PI4K2B: variants seen among roughly 807,000 people sequenced by gnomAD.
The protein encoded by PI4K2B is phosphatidylinositol 4-kinase type 2 beta.
PI4K2B carries 46 observed loss-of-function variants against 56.6 expected under a neutral mutation model. The ratio of observed to expected loss-of-function variants is 0.81; its 90% CI spans 0.64 to 1.04. PI4K2B has a LOEUF of 1.04. Ranked by LOEUF, PI4K2B falls within the 50% of genes least tolerant of loss-of-function variation. PI4K2B has a pLI of 0.00. For missense variants in PI4K2B, 556 were observed against 607.7 expected, an observed-to-expected ratio of 0.91 and a Z score of 0.89; for synonymous variants, 211 against 223.8, an observed-to-expected ratio of 0.94 and a Z score of 0.51.
At chr4:25,250,241 A>G (rs1715998121) in intron 1 of PI4K2B, among the ~76,000 whole-genome samples, 1 of 151,996 alleles carries the variant, frequency 6.6e-6, no homozygotes, top group South Asian at 2.1e-4. Flanking sequence ...GGGGAGAGGG[A>G]GAGGGAGAAT....
At chr4:25,250,217 A>AGGGAGAG (rs908303557) in intron 1 of PI4K2B, among the ~76,000 whole-genome samples, 11 of 152,176 alleles carry the variant, frequency 7.2e-5, no homozygotes, top group African/African-American at 2.2e-4. Context: ...TGCAAAGAAG[A>AGGGAGAG]GGGAGAGGGG....
At chr4:25,240,496 A>G (rs894924790) in intron 1 of PI4K2B, among the ~76,000 whole-genome samples, 1 of 152,154 alleles carries the variant, frequency 6.6e-6, no homozygotes, top group Non-Finnish European at 1.5e-5. Context: ...TAGGGGTATT[A>G]ATTGTATGGC....
intron 1 of PI4K2B, among the ~76,000 whole-genome samples, chr4:25,237,448 A>G (rs1560364292): frequency 6.6e-6 from 1 of 151,918 alleles, no homozygotes; most frequent in Non-Finnish European, 1.5e-5. Context: ...AATCTCGGCT[A>G]ACTGCAACCT....
At chr4:25,235,719 G>C (rs1007845055) in intron 1 of PI4K2B, among the ~76,000 whole-genome samples, 11 of 152,198 alleles carry the variant, frequency 7.2e-5, no homozygotes, top group African/African-American at 2.7e-4. Context: ...AAAATAGCTA[G>C]CTTGCCTTTT....
intron 7 of PI4K2B, chr4:25,267,969 C>A: frequency 2.0e-6 from 1 of 507,994 alleles, no homozygotes; most frequent in Non-Finnish European, 2.5e-6. Flanking sequence ...ATCTGTAGTT[C>A]CAGCTACTTT....
intron 2 of PI4K2B, among the ~76,000 whole-genome samples, chr4:25,254,665 G>A (rs558903611): frequency 2.7e-4 from 41 of 152,024 alleles, no homozygotes; most frequent in African/African-American, 7.7e-4. Context: ...CGCCCGCCTC[G>A]GCCTCCCAAA....
At chr4:25,234,500 T>A in intron 1 of PI4K2B, 69 bp downstream of exon 1, 1 of 1,106,076 alleles carries the variant, frequency 9.0e-7, no homozygotes, top group Non-Finnish European at 1.1e-6. Context: ...GGCTCGGTCC[T>A]GTCTCCCGCG....
At chr4:25,269,301 C>T (rs1194018517) in intron 9 of PI4K2B, 98 bp downstream of exon 9, 12 of 733,706 alleles carry the variant, frequency 1.6e-5, no homozygotes, top group South Asian at 3.2e-5. Context: ...ATTTTTAATA[C>T]TACCTCTTAT....
At chr4:25,248,330 A>G (rs1715884895) in intron 1 of PI4K2B, among the ~76,000 whole-genome samples, 1 of 152,208 alleles carries the variant, frequency 6.6e-6, no homozygotes, top group African/African-American at 2.4e-5. Flanking sequence ...AGTGCTTATT[A>G]TGTTCCAGGA....
chr4:25,236,923 G>A (rs1577672905), intron 1 of PI4K2B, among the ~76,000 whole-genome samples: 1 of 152,162 alleles, frequency 6.6e-6, no homozygotes, highest in East Asian at 1.9e-4. Context: ...TTTAAGTTTA[G>A]TTATTTTTTA....
Position 25,234,228 on chromosome 4 carries a change from A to G in PI4K2B, c.65A>G (p.Glu22Gly), listed in dbSNP as rs1256672219. ...SADGGSPEEE[E>G]DGEREPLLPR... ...GACGGCGGGAGCCCGGAGGAGGAGG[A>G]GGATGGGGAGCGGGAGCCGCTGCTA... Residue 22 changes from glutamate (E) to glycine (G), a missense_variant, in exon 1 of 10, where the codon GAG becomes GGG. Coordinates refer to ENST00000264864, the MANE Select transcript of PI4K2B (RefSeq NM_018323.4). 2.8e-6 allele frequency: 4 copies of G among 1,425,566 alleles called. No homozygotes were observed. The African/African-American group carries it at 4.4e-5, about 16-fold the overall frequency. 88.3% of individuals were successfully genotyped at this position (1,425,566 alleles called of 1,614,324 possible).
rs562739700 is a variant in PI4K2B, at chr4:25,278,418, G to T, written c.*1231G>T. 6.6e-6 allele frequency: 1 copy of T among 152,134 alleles called. No individual in the cohort carries two copies. The highest frequency in any genetic ancestry group is 2.1e-4 in the South Asian group (1 of 4,828). The allele number at this position is 152,134 out of a possible 1,614,324, so 9.4% of individuals were successfully genotyped here. On this transcript the variant is annotated 3_prime_UTR_variant, in exon 10 of 10. Transcript: ENST00000264864. The stretch of plus-strand genomic sequence containing the variant: ...CTTAACTGGGTAATTTGTGGTCTAG[G>T]CCTTTTGTTTTCTAAGCTTACTATC...
chr4:25,276,989 G>A, intron 9 of PI4K2B, 25 bp from the exon 10 acceptor site: 1 of 1,491,722 alleles, frequency 6.7e-7, no homozygotes, highest in Non-Finnish European at 9.0e-7. Context: ...TTTTAAATTG[G>A]TAAAAATCTC....
At chr4:25,264,894 A>G (rs1278955185) in intron 7 of PI4K2B, among the ~76,000 whole-genome samples, 2 of 150,992 alleles carry the variant, frequency 1.3e-5, no homozygotes, top group Non-Finnish European at 2.9e-5. Flanking sequence ...TAAAAAATAT[A>G]TAGTATGTTT....
At chr4:25,239,108 A>G (rs1243840855) in intron 1 of PI4K2B, among the ~76,000 whole-genome samples, 2 of 152,108 alleles carry the variant, frequency 1.3e-5, no homozygotes, top group Non-Finnish European at 2.9e-5. Context: ...TGATTGGTGT[A>G]TTTACAATCC....
At chr4:25,252,496 T>C in intron 2 of PI4K2B, 21 bp downstream of exon 2, 1 of 1,476,574 alleles carries the variant, frequency 6.8e-7, no homozygotes, top group Non-Finnish European at 9.4e-7. Flanking sequence ...CACAGACCTA[T>C]TATATGTAAT....
chr4:25,264,924 A>G (rs1415060908), intron 7 of PI4K2B, among the ~76,000 whole-genome samples: 1 of 150,172 alleles, frequency 6.7e-6, no homozygotes, highest in African/African-American at 2.5e-5. Context: ...GGCTGGGTGC[A>G]GTGGCTCACG....
At chr4:25,258,335 G>C (rs1014550437) in intron 4 of PI4K2B, among the ~76,000 whole-genome samples, 1 of 150,982 alleles carries the variant, frequency 6.6e-6, no homozygotes, top group African/African-American at 2.4e-5. Context: ...AGCCTTCTGA[G>C]TAGCTGGGAC....
At chr4:25,265,552 C>T (rs562690007) in intron 7 of PI4K2B, among the ~76,000 whole-genome samples, 2 of 152,250 alleles carry the variant, frequency 1.3e-5, no homozygotes, top group East Asian at 3.9e-4. Flanking sequence ...AGGTGGTACT[C>T]TATGGCTCTG....
Sources: gnomAD v4.1 joint callset for allele counts (sites outside exome capture counted in the v4.1 genomes callset) on GRCh38, gnomAD v4.1.1 for gene constraint, MANE v1.5 for transcripts, NCBI Gene and HGNC (gene_info 2026-07-23, HGNC 2026-07-21) for gene names.